RBMS3: variants seen among roughly 807,000 people sequenced by gnomAD.
RBMS3 encodes RNA-binding motif, single-stranded-interacting protein 3.
In RBMS3, 27 loss-of-function variants were observed where a neutral mutation model predicts 66.8. The ratio of observed to expected loss-of-function variants is 0.40; its 90% CI spans 0.30 to 0.56. The LOEUF (loss-of-function observed/expected upper bound fraction) is 0.56, where lower values mean the gene tolerates loss of function less well. RBMS3 is among the 20% of genes least tolerant of loss of function. The pLI, the probability that RBMS3 is intolerant of heterozygous loss-of-function variation, is 0.40. For missense variants in RBMS3, 513 were observed against 549.5 expected, an observed-to-expected ratio of 0.93 and a Z score of 0.66; for synonymous variants, 188 against 183.0, an observed-to-expected ratio of 1.03 and a Z score of -0.22.
At chr3:29,990,689 C>T (rs1012835068) in intron 13 of RBMS3, among the ~76,000 whole-genome samples, 15 of 151,986 alleles carry the variant, frequency 9.9e-5, no homozygotes, top group South Asian at 2.1e-4. Context: ...ATTGTTATCC[C>T]AAATGGTATA....
intron 1 of RBMS3, among the ~76,000 whole-genome samples, chr3:29,401,394 C>T (rs947554478): frequency 1.3e-5 from 2 of 151,946 alleles, no homozygotes; most frequent in Non-Finnish European, 2.9e-5. Context: ...TAGGCTGTCC[C>T]GCGTTTACAG....
At chr3:29,894,401 G>C (rs2060074567) in intron 8 of RBMS3, among the ~76,000 whole-genome samples, 1 of 151,346 alleles carries the variant, frequency 6.6e-6, no homozygotes, top group African/African-American at 2.4e-5. Context: ...TATTTTTGTA[G>C]AGATGGGGTC....
intron 2 of RBMS3, among the ~76,000 whole-genome samples, chr3:29,449,410 G>T (rs1270973871): frequency 1.3e-5 from 2 of 152,110 alleles, no homozygotes; most frequent in African/African-American, 2.4e-5. Context: ...ATTTCAAATG[G>T]AACTTACTAT....
chr3:29,477,648 G>T (rs895199641), intron 2 of RBMS3, among the ~76,000 whole-genome samples: 1 of 151,532 alleles, frequency 6.6e-6, no homozygotes, highest in Non-Finnish European at 1.5e-5. Context: ...AATCCTATTG[G>T]ATCATAACCA....
chr3:29,546,667 G>A (rs1265167516), intron 3 of RBMS3, among the ~76,000 whole-genome samples: 2 of 152,176 alleles, frequency 1.3e-5, no homozygotes, highest in Non-Finnish European at 2.9e-5. Context: ...AGCACAGTGG[G>A]GATGCCTTGC....
intron 4 of RBMS3, among the ~76,000 whole-genome samples, chr3:29,600,565 C>T (rs191080491): frequency 1.3e-5 from 2 of 152,084 alleles, no homozygotes; most frequent in Admixed American, 1.3e-4. Context: ...TATGCAGCCT[C>T]ACGTATTTCT....
chr3:29,625,502 C>T (rs191218292), intron 4 of RBMS3, among the ~76,000 whole-genome samples: 18 of 151,838 alleles, frequency 1.2e-4, no homozygotes, highest in African/African-American at 3.9e-4. Flanking sequence ...GAGACCAGCC[C>T]GACCAAAGTG....
At chr3:29,648,245 G>A (rs1037921007) in intron 4 of RBMS3, among the ~76,000 whole-genome samples, 2 of 138,060 alleles carry the variant, frequency 1.4e-5, no homozygotes, top group African/African-American at 5.4e-5. Flanking sequence ...TCTAACATAG[G>A]GAAAATAGAA....
At chr3:29,507,918 CAAT>C (rs996703578) in intron 3 of RBMS3, among the ~76,000 whole-genome samples, 1 of 151,924 alleles carries the variant, frequency 6.6e-6, no homozygotes, top group African/African-American at 2.4e-5. Context: ...TAGAAAACAA[CAAT>C]AATGACTAAA....
chr3:29,797,205 T>C (rs1019383654), intron 6 of RBMS3, among the ~76,000 whole-genome samples: 6 of 152,246 alleles, frequency 3.9e-5, no homozygotes, highest in African/African-American at 1.4e-4. Flanking sequence ...TAAACTATCT[T>C]AGCTAGATCT....
intron 3 of RBMS3, among the ~76,000 whole-genome samples, chr3:29,512,193 TAGTC>T (rs1236768138): frequency 6.6e-6 from 1 of 152,016 alleles, no homozygotes; most frequent in Middle Eastern, 3.2e-3. Flanking sequence ...TTTCATCAGT[TAGTC>T]AGGATTATTT....
rs190309244 is a variant in RBMS3, at chr3:29,290,764, C to G, written c.75+9008C>G. The G allele has an allele frequency of 5.9e-5, 9 of 151,868 alleles. No homozygotes were observed. In the East Asian group the frequency reaches 1.4e-3, roughly 23 times the overall value. 9.4% of individuals were successfully genotyped at this position (151,868 alleles called of 1,614,324 possible). A position where few individuals can be genotyped will look rare whatever the true frequency, so the allele number is the denominator to read the frequency against. On this transcript the variant is annotated intron_variant, in intron 1 of 14. Coordinates refer to ENST00000383767, the MANE Select transcript of RBMS3 (RefSeq NM_001003793.3). ...ACTTTGTTGTTGAGCTGGAAAAACACAAGAAAAGGCCAGTGGGAATAGATG... is the reference window on the plus strand; with the variant it reads ...ACTTTGTTGTTGAGCTGGAAAAACAGAAGAAAAGGCCAGTGGGAATAGATG...
chr3:29,677,865 C>T lies in RBMS3; in HGVS notation c.400-61855C>T, dbSNP rs527499105. ...AAAAAGCACCAGAATGTGAGTCAGA[C>T]AAGCTGAATTTTAACTAGGATTCTG... On this transcript the variant is annotated intron_variant, in intron 4 of 14. Transcript: ENST00000383767. Among the ~76,000 whole-genome samples, 6 of 152,218 alleles carry T rather than the reference C, an allele frequency of 3.9e-5. No homozygotes were observed. The South Asian group carries it at 1.2e-3, about 32-fold the overall frequency.
intron 4 of RBMS3, among the ~76,000 whole-genome samples, chr3:29,709,147 A>G (rs1460334728): frequency 6.6e-6 from 1 of 152,038 alleles, no homozygotes; most frequent in Non-Finnish European, 1.5e-5. Context: ...ACCTCTCCTT[A>G]ATACACATGA....
At chr3:29,647,591 A>G (rs1442172893) in intron 4 of RBMS3, among the ~76,000 whole-genome samples, 4 of 137,144 alleles carry the variant, frequency 2.9e-5, no homozygotes, top group Non-Finnish European at 4.7e-5. Flanking sequence ...GTTACTCCAT[A>G]GTATCTTAAG....
chr3:29,865,561 A>G (rs776140500), intron 6 of RBMS3, among the ~76,000 whole-genome samples: 1 of 152,246 alleles, frequency 6.6e-6, no homozygotes, highest in Non-Finnish European at 1.5e-5. Context: ...CAAAATAAGC[A>G]AGTTGGTCTC....
chr3:29,530,701 A>T (rs1480980486), intron 3 of RBMS3, among the ~76,000 whole-genome samples: 2 of 124,420 alleles, frequency 1.6e-5, no homozygotes, highest in Non-Finnish European at 1.8e-5. Context: ...CTCTACTAAA[A>T]ATACAAAAAA....
At chr3:29,305,053 T>C (rs2033919105) in intron 1 of RBMS3, among the ~76,000 whole-genome samples, 1 of 151,872 alleles carries the variant, frequency 6.6e-6, no homozygotes, top group Non-Finnish European at 1.5e-5. Context: ...CACGATGGCC[T>C]TCTTTCTGTT....
At chr3:29,361,982 A>G (rs147485019) in intron 1 of RBMS3, among the ~76,000 whole-genome samples, 16,770 of 152,136 alleles carry the variant, frequency 0.11, 1,086 homozygotes, top group East Asian at 0.22. Context: ...ACTTCTTTGC[A>G]ATGGGTTTGA....
Sources: gnomAD v4.1 joint callset for allele counts (sites outside exome capture counted in the v4.1 genomes callset) on GRCh38, gnomAD v4.1.1 for gene constraint, MANE v1.5 for transcripts, NCBI Gene and HGNC (gene_info 2026-07-23, HGNC 2026-07-21) for gene names.